Variants in RPS3A observed in about 807,000 individuals in gnomAD.
RPS3A encodes small ribosomal subunit protein eS1.
RPS3A carries 1 observed loss-of-function variant against 26.4 expected under a neutral mutation model. The ratio of observed to expected loss-of-function variants is 0.04; its 90% confidence interval spans 0.01 to 0.18. The LOEUF is 0.18. Ranked by LOEUF, RPS3A falls within the 10% of genes least tolerant of loss-of-function variation. The probability of loss-of-function intolerance (pLI) is 1.00; values close to 1 mark genes in which losing one functional copy is unlikely to be tolerated. For synonymous variants in RPS3A, 97 were observed against 106.1 expected (o/e 0.91, Z 0.53); for missense variants, 139 against 326.8 (o/e 0.43, Z 4.43).
At chr4:151,103,121 A>G (rs1747202781) in intron 4 of RPS3A, 42 bp downstream of exon 4, 13 of 1,571,998 alleles carry the variant, frequency 8.3e-6, no homozygotes, top group African/African-American at 1.4e-5. Context: ...AACCTTGAGT[A>G]TTGGATTATT....
In RPS3A at chr4:151,103,035, C is replaced by T. The variant is rs11548525; in HGVS notation, c.519C>T (p.Thr173=). 2 of 1,600,070 alleles carry T rather than the reference C, an allele frequency of 1.2e-6. No homozygotes were observed. The highest frequency in any genetic ancestry group is 2.2e-5 in the East Asian group (1 of 44,858). Residue 173 remains threonine, a synonymous_variant, in exon 4 of 6, where the codon ACC becomes ACT. Coordinates refer to ENST00000274065, the MANE Select transcript of RPS3A (RefSeq NM_001006.5). Reference sequence around the variant, plus strand: ...GGAAGAAGATGATGGAAATCATGACCCGAGAGGTGCAGACAAATGACTTGA... The same window carrying T: ...GGAAGAAGATGATGGAAATCATGACTCGAGAGGTGCAGACAAATGACTTGA... ...QIRKKMMEIM[T]REVQTNDLKE...
intron 4 of RPS3A, 55 bp from the exon 5 acceptor site, chr4:151,104,122 C>CTTATT: frequency 7.0e-7 from 1 of 1,433,494 alleles, no homozygotes; most frequent in South Asian, 1.2e-5. Flanking sequence ...AAGGAAATGG[C>CTTATT]TTATATCTGA....
rs1561165883 is a variant in RPS3A, at chr4:151,104,214, T to G, written c.601T>G (p.Cys201Gly). Residue 201 changes from cysteine to glycine, a missense_variant, in exon 5 of 6, where the codon TGC (cysteine) becomes GGC (glycine). Coordinates refer to ENST00000274065, the MANE Select transcript of RPS3A (RefSeq NM_001006.5). ...DSIGKDIEKA[C>G]QSIYPLHDVF... ...CATTGGAAAAGACATAGAAAAGGCT[T>G]GCCAATCTATTTATCCTCTCCATGA... 3.1e-6 allele frequency: 5 copies of G among 1,612,258 alleles called. No homozygotes were observed. In the South Asian group the frequency reaches 5.5e-5, roughly 18 times the overall value.
intron 1 of RPS3A, chr4:151,099,988 G>A (rs911612476): frequency 3.1e-6 from 2 of 647,172 alleles, no homozygotes; most frequent in Non-Finnish European, 5.7e-6. Flanking sequence ...GGGCTCACGA[G>A]CTGCCTCAAT....
chr4:151,103,367 C>G lies in RPS3A; in HGVS notation c.563+288C>G, dbSNP rs1747215629. On this transcript the variant is annotated intron_variant, in intron 4 of 5. Coordinates refer to ENST00000274065, the MANE Select transcript of RPS3A (RefSeq NM_001006.5). ...TTCCTGGGTTCAAGCAGTTCTTGAG[C>G]CTCAGCCTCCTGAGTATCTGGGAAT... 5 of 580,844 alleles carry G rather than the reference C, an allele frequency of 8.6e-6. No individual in the cohort carries two copies. The South Asian group carries it at 1.7e-4, about 19-fold the overall frequency. The allele number at this position is 580,844 out of a possible 1,614,324, so 36.0% of individuals were successfully genotyped here.
Position 151,101,150 on chromosome 4 carries a change from C to A in RPS3A, c.342C>A (p.Val114=). ...DLTRDKMCSM[V]KKWQTMIEAH... ...CCCGTGACAAAATGTGTTCCATGGTCAAAAAATGGCAGGTGAGACCCAAAG... is the reference window on the plus strand; with the variant it reads ...CCCGTGACAAAATGTGTTCCATGGTAAAAAAATGGCAGGTGAGACCCAAAG... The change falls in exon 3 of 6, where the codon GTC becomes GTA. Residue 114 remains valine, a synonymous_variant. Transcript: ENST00000274065. The A allele has an allele frequency of 6.3e-7, 1 of 1,598,128 alleles. No homozygotes were observed. The highest frequency in any genetic ancestry group is 1.1e-5 in the South Asian group (1 of 89,566).
At chr4:151,101,848 T>C (rs947100475) in intron 3 of RPS3A, among the ~76,000 whole-genome samples, 15 of 152,288 alleles carry the variant, frequency 9.8e-5, no homozygotes, top group Admixed American at 8.5e-4. Context: ...TTCTCATGCC[T>C]CAGCCTCCCA....
chr4:151,103,364 G>A, intron 4 of RPS3A: 1 of 590,674 alleles, frequency 1.7e-6, no homozygotes, highest in Non-Finnish European at 2.3e-6. Context: ...AGCAGTTCTT[G>A]AGCCTCAGCC....
At position 151,104,450 on chromosome 4, in the gene RPS3A, T is replaced by TG. The variant is rs781241965; in HGVS notation, c.674-22_674-21insG. 1,408 of 1,397,964 alleles carry TG rather than the reference T, an allele frequency of 1.0e-3. 8 individuals carry two copies. The African/African-American group carries it at 0.018, about 18-fold the overall frequency. 86.6% of individuals were successfully genotyped at this position (1,397,964 alleles called of 1,614,324 possible). On this transcript the variant is annotated intron_variant, in intron 5 of 5. Coordinates refer to ENST00000274065, the MANE Select transcript of RPS3A (RefSeq NM_001006.5). Reference sequence around the variant, plus strand: ...CTAACAGTTTTTTGGTTTTTTTTTTTTTTTTTTTTTTTGCCTTTTAGTGGG... The same window carrying TG: ...CTAACAGTTTTTTGGTTTTTTTTTTTGTTTTTTTTTTTTGCCTTTTAGTGGG...
chr4:151,099,795 C>T (rs996953056), intron 1 of RPS3A, 81 bp downstream of exon 1: 3 of 1,433,262 alleles, frequency 2.1e-6, no homozygotes, highest in Admixed American at 3.9e-5. Flanking sequence ...CGGCGTAGGC[C>T]GGATGGCGAG....
intron 3 of RPS3A, among the ~76,000 whole-genome samples, chr4:151,102,293 T>C (rs1417123429): frequency 6.6e-6 from 1 of 152,192 alleles, no homozygotes; most frequent in Non-Finnish European, 1.5e-5. Context: ...TTTTTCAATT[T>C]AGGCAATAAT....
chr4:151,103,265 T>C (rs1747211838), intron 4 of RPS3A, 186 bp downstream of exon 4: 1 of 1,179,492 alleles, frequency 8.5e-7, no homozygotes, highest in South Asian at 1.6e-5. Flanking sequence ...ACTATTATTA[T>C]TTGAGTCAGA....
chr4:151,104,371 C>A, intron 5 of RPS3A, 85 bp downstream of exon 5: 1 of 1,454,118 alleles, frequency 6.9e-7, no homozygotes, highest in South Asian at 1.3e-5. Flanking sequence ...TCATGGCCTT[C>A]TTTTTCTTCC....
chr4:151,100,332 T>G, intron 1 of RPS3A, 153 bp from the exon 2 acceptor site: 1 of 587,718 alleles, frequency 1.7e-6, no homozygotes. Context: ...AAGAGCTAGA[T>G]TTATGTTTGT....
chr4:151,104,445 T>TG, intron 5 of RPS3A, 27 bp from the exon 6 acceptor site: 3 of 1,349,342 alleles, frequency 2.2e-6, no homozygotes, highest in East Asian at 2.8e-5. Context: ...TTTGGTTTTT[T>TG]TTTTTTTTTT....
chr4:151,103,159 A>G (rs1468993216), intron 4 of RPS3A, 80 bp downstream of exon 4: 1 of 1,513,124 alleles, frequency 6.6e-7, no homozygotes, highest in Non-Finnish European at 8.8e-7. Flanking sequence ...CATATGAGAC[A>G]AGGTAAAGGT....
intron 2 of RPS3A, among the ~76,000 whole-genome samples, 181 bp from the exon 3 acceptor site, chr4:151,100,794 A>G (rs1192577925): frequency 6.6e-6 from 1 of 152,222 alleles, no homozygotes; most frequent in Non-Finnish European, 1.5e-5. Context: ...AAAATGTGCC[A>G]TGGGTAGTTC....
At chr4:151,101,724 G>C (rs1237599172) in intron 3 of RPS3A, among the ~76,000 whole-genome samples, 1 of 152,142 alleles carries the variant, frequency 6.6e-6, no homozygotes, top group Non-Finnish European at 1.5e-5. Context: ...TATCCAGTTG[G>C]AATATTTTGT....
chr4:151,103,809 T>C, intron 4 of RPS3A: 1 of 1,358,152 alleles, frequency 7.4e-7, no homozygotes, highest in Non-Finnish European at 9.7e-7. Flanking sequence ...AAACCTTTCA[T>C]GATTAATGAT....
Sources: allele counts gnomAD v4.1 joint callset (sites outside exome capture counted in the v4.1 genomes callset), GRCh38; gene constraint gnomAD v4.1.1; transcripts MANE v1.5; gene names NCBI Gene and HGNC (gene_info 2026-07-23, HGNC 2026-07-21).